The following RARS1 variants were observed in gnomAD, a reference collection of about 807,000 sequenced individuals.
RARS1 encodes arginyl-tRNA synthetase 1, also known as arginine--tRNA ligase, cytoplasmic.
Under a neutral mutation model 78.7 loss-of-function variants are expected in RARS1, and 75 were observed. That is an observed-to-expected ratio of 0.95 (90% confidence interval 0.79 to 1.15). RARS1 has a LOEUF of 1.15. Ranked by LOEUF, RARS1 falls within the 50% of genes most tolerant of loss-of-function variation. The pLI is 0.00. For missense variants in RARS1, 787 were observed against 787.5 expected, an observed-to-expected ratio of 1.00 and a Z score of 0.01; for synonymous variants, 273 against 268.2, an observed-to-expected ratio of 1.02 and a Z score of -0.18.
intron 6 of RARS1, among the ~76,000 whole-genome samples, chr5:168,496,636 C>CCA (rs1419349508): frequency 6.6e-6 from 1 of 151,712 alleles, no homozygotes; most frequent in African/African-American, 2.4e-5. Flanking sequence ...GCGCCCACCA[C>CCA]CACACCCGGC....
At position 168,506,709 on chromosome 5, in the gene RARS1, G is replaced by A. The variant is rs369928911; in HGVS notation, c.1237-13G>A. On this transcript the variant is annotated splice_polypyrimidine_tract_variant and intron_variant, in intron 10 of 14. Coordinates refer to ENST00000231572, the MANE Select transcript of RARS1 (RefSeq NM_002887.4). ...AAAGAAGACTAGCAAGTAACTTTCC[G>A]TTTCTGTTGTAGTCTGTGCACTTCC... 3.4e-5 allele frequency: 54 copies of A among 1,570,646 alleles called. No individual in the cohort carries two copies. Among genetic ancestry groups the A allele is most frequent in the Admixed American group, 2.3e-4 (13 of 55,488 alleles).
At chr5:168,499,729 A>G (rs1413755954) in intron 7 of RARS1, among the ~76,000 whole-genome samples, 1 of 152,150 alleles carries the variant, frequency 6.6e-6, no homozygotes, top group African/African-American at 2.4e-5. Flanking sequence ...GCCATTTCCA[A>G]TTTTTCATAA....
chr5:168,519,128 G>C lies in RARS1; in HGVS notation c.1921G>C (p.Val641Leu). 6.2e-7 allele frequency: 1 copy of C among 1,614,120 alleles called. No individual in the cohort carries two copies. The highest frequency in any genetic ancestry group is 8.5e-7 in the Non-Finnish European group (1 of 1,179,994). ...NMWRMLLCEAVAAVMAKGFDI... is the reference protein window; with the variant it reads ...NMWRMLLCEALAAVMAKGFDI... The stretch of plus-strand genomic sequence containing the variant: ...GTGGCGTATGCTGCTATGTGAAGCA[G>C]TAGCTGCTGTCATGGCCAAGGGGTT... Residue 641 changes from valine (V) to leucine (L), a missense_variant, in exon 15 of 15, where the codon GTA becomes CTA. Transcript: ENST00000231572.
chr5:168,511,195 ATTTTT>A (rs112853562), intron 12 of RARS1, among the ~76,000 whole-genome samples: 1 of 143,988 alleles, frequency 6.9e-6, no homozygotes, highest in Non-Finnish European at 1.5e-5. Context: ...AACAAGAAAA[ATTTTT>A]TTTTTTTTTT....
intron 10 of RARS1, 28 bp from the exon 11 acceptor site, chr5:168,506,694 A>G (rs753311816): frequency 1.3e-6 from 2 of 1,516,744 alleles, no homozygotes. Flanking sequence ...AAAGAAGACT[A>G]GCAAGTAACT....
Position 168,506,777 on chromosome 5 carries a change from C to T in RARS1, c.1292C>T (p.Pro431Leu), listed in dbSNP as rs1302499142. 9 of 1,613,690 alleles carry T rather than the reference C, an allele frequency of 5.6e-6. No homozygotes were observed. Among genetic ancestry groups the T allele is most frequent in the African/African-American group, 2.7e-5 (2 of 74,840 alleles). The change falls in exon 11 of 15, where the codon CCT (proline) becomes CTT (leucine). Residue 431 changes from proline to leucine, a missense_variant. Pro to Leu is a moderately conservative substitution (Grantham distance 98). Coordinates refer to ENST00000231572, the MANE Select transcript of RARS1 (RefSeq NM_002887.4). ...AAAQMIGWYD[P>L]KVTRVFHAGF... ...GCTCAAATGATTGGTTGGTATGACC[C>T]TAAAGTAACTCGAGTCTTCCATGCT... is the stretch of plus-strand genomic sequence containing the variant.
At chr5:168,499,309 C>G (rs1758266144) in intron 7 of RARS1, among the ~76,000 whole-genome samples, 1 of 151,882 alleles carries the variant, frequency 6.6e-6, no homozygotes, top group South Asian at 2.1e-4. Context: ...GAGACCCTGT[C>G]TTAAAAAAAT....
intron 13 of RARS1, 127 bp from the exon 14 acceptor site, chr5:168,517,688 C>G (rs72836363): frequency 7.9e-7 from 1 of 1,266,566 alleles, no homozygotes; most frequent in Non-Finnish European, 1.0e-6. Flanking sequence ...AATAGTATAT[C>G]GTATAATAAA....
chr5:168,498,868 A>G (rs559620475), intron 7 of RARS1, among the ~76,000 whole-genome samples: 3 of 152,094 alleles, frequency 2.0e-5, no homozygotes, highest in Admixed American at 6.5e-5. Flanking sequence ...TTGGGAGGCT[A>G]AGGTGGATGT....
Position 168,506,751 on chromosome 5 carries a change from T to A in RARS1, c.1266T>A (p.Ala422=), listed in dbSNP as rs111802241. 9 of 1,613,754 alleles carry A rather than the reference T, an allele frequency of 5.6e-6. No homozygotes were observed. The highest frequency in any genetic ancestry group is 7.6e-6 in the Non-Finnish European group (9 of 1,179,756). The change falls in exon 11 of 15, where the codon GCT becomes GCA. Residue 422 remains alanine, a synonymous_variant. Transcript: ENST00000231572. ...QSVHFQTIFA[A]AQMIGWYDPK... ...TGCACTTCCAGACAATATTTGCTGC[T>A]GCTCAAATGATTGGTTGGTATGACC...
chr5:168,488,627 C>A lies in RARS1; in HGVS notation c.71C>A (p.Ala24Asp). 6.2e-7 allele frequency: 1 copy of A among 1,609,204 alleles called. No homozygotes were observed. The highest frequency in any genetic ancestry group is 8.5e-7 in the Non-Finnish European group (1 of 1,178,920). ...QQEEEIKSLT[A>D]EIDRLKNCGC... is the part of the protein sequence containing the mutation. ...GAAGAAGAGATTAAATCTCTGACTG[C>A]TGAAATTGACCGGTTGAAAAACTGT... The change falls in exon 2 of 15, where the codon GCT becomes GAT. Residue 24 changes from alanine to aspartate, a missense_variant. Coordinates refer to ENST00000231572, the MANE Select transcript of RARS1 (RefSeq NM_002887.4).
chr5:168,510,708 A>T, intron 12 of RARS1, 22 bp downstream of exon 12: 1 of 1,510,754 alleles, frequency 6.6e-7, no homozygotes, highest in Non-Finnish European at 9.0e-7. Context: ...CCTTATAGGC[A>T]TAATGTGTAT....
intron 11 of RARS1, among the ~76,000 whole-genome samples, chr5:168,507,807 A>G (rs1020590759): frequency 5.3e-5 from 8 of 151,850 alleles, no homozygotes; most frequent in African/African-American, 7.3e-5. Context: ...TAGGAAGCCA[A>G]TGCTGGAGGA....
Position 168,516,448 on chromosome 5 carries a change from C to T in RARS1, c.1453-330C>T, listed in dbSNP as rs532408820. ...CTGTTTCCTATAACCTCACAATGTT[C>T]ATAGTATGAAGTGGATATAAACTAA... On this transcript the variant is annotated intron_variant, in intron 12 of 14. Transcript: ENST00000231572. 2.6e-5 allele frequency among the ~76,000 whole-genome samples: 4 copies of T among 152,238 alleles called. No homozygotes were observed. In the South Asian group the frequency reaches 8.3e-4, roughly 32 times the overall value.
chr5:168,503,620 T>G (rs1222199076), intron 9 of RARS1, among the ~76,000 whole-genome samples: 1 of 151,774 alleles, frequency 6.6e-6, no homozygotes, highest in Non-Finnish European at 1.5e-5. Flanking sequence ...CCTTTGGTAG[T>G]TAGTTAATTG....
Position 168,500,578 on chromosome 5 carries a change from T to C in RARS1, c.823-13T>C, listed in dbSNP as rs1202859325. 2.1e-6 allele frequency: 3 copies of C among 1,461,124 alleles called. No individual in the cohort carries two copies. Among genetic ancestry groups the C allele is most frequent in the Non-Finnish European group, 2.7e-6 (3 of 1,112,190 alleles). 90.5% of individuals were successfully genotyped at this position (1,461,124 alleles called of 1,614,324 possible). On this transcript the variant is annotated splice_polypyrimidine_tract_variant and intron_variant, in intron 7 of 14. Coordinates refer to ENST00000231572, the MANE Select transcript of RARS1 (RefSeq NM_002887.4). Reference sequence around the variant, plus strand: ...TTTACACACCTTACTTTTTAAAATATATATATATACAGGAATCTAAGAAGA... The same window carrying C: ...TTTACACACCTTACTTTTTAAAATACATATATATACAGGAATCTAAGAAGA...
chr5:168,486,632 AGG>A, intron 1 of RARS1, 89 bp downstream of exon 1: 1 of 1,386,468 alleles, frequency 7.2e-7, no homozygotes, highest in Non-Finnish European at 9.9e-7. Flanking sequence ...CGGGACAGCT[AGG>A]CGAGGACCAT....
intron 12 of RARS1, among the ~76,000 whole-genome samples, chr5:168,510,967 A>T (rs1278346125): frequency 6.6e-6 from 1 of 152,216 alleles, no homozygotes; most frequent in Non-Finnish European, 1.5e-5. Context: ...AGATGGGAGA[A>T]TATTGCAGAC....
intron 14 of RARS1, 33 bp from the exon 15 acceptor site, chr5:168,519,048 A>G: frequency 6.4e-7 from 1 of 1,551,612 alleles, no homozygotes. Flanking sequence ...AAAGGAAAAC[A>G]AGTTAATTAA....
Sources: allele counts gnomAD v4.1 joint callset (sites outside exome capture counted in the v4.1 genomes callset), GRCh38; gene constraint gnomAD v4.1.1; transcripts MANE v1.5; gene names NCBI Gene and HGNC (gene_info 2026-07-23, HGNC 2026-07-21).